The following NLRP8 variants were observed in gnomAD, a reference collection of about 807,000 sequenced individuals.
NLRP8 encodes NACHT, LRR and PYD domains-containing protein 8.
Under a neutral mutation model 88.7 loss-of-function variants are expected in NLRP8, and 86 were observed. The ratio of observed to expected loss-of-function variants is 0.97; its 90% CI spans 0.81 to 1.16. The LOEUF (loss-of-function observed/expected upper bound fraction) is 1.16, where lower values mean the gene tolerates loss of function less well. NLRP8 is among the 50% of genes most tolerant of loss of function. The probability of loss-of-function intolerance (pLI) is 0.00; values close to 1 mark genes in which losing one functional copy is unlikely to be tolerated. For synonymous variants in NLRP8, 504 were observed against 494.6 expected, an observed-to-expected ratio of 1.02 and a Z score of -0.25; for missense variants, 1,342 against 1,286.5, an observed-to-expected ratio of 1.04 and a Z score of -0.66.
chr19:55,972,316 C>T (rs1022120729), intron 6 of NLRP8, among the ~76,000 whole-genome samples: 2 of 151,604 alleles, frequency 1.3e-5, no homozygotes, highest in African/African-American at 4.8e-5. Context: ...GGTTTTGCCA[C>T]GTTGGCCAGG....
At chr19:55,986,417 C>A (rs1980815769) in intron 9 of NLRP8, among the ~76,000 whole-genome samples, 1 of 150,878 alleles carries the variant, frequency 6.6e-6, no homozygotes, top group African/African-American at 2.4e-5. Flanking sequence ...CTGTCTCACA[C>A]ATTCTCTCTC....
intron 3 of NLRP8, among the ~76,000 whole-genome samples, chr19:55,960,897 C>CTTGTTTT (rs1979578763): frequency 1.1e-5 from 1 of 91,006 alleles, no homozygotes; most frequent in Non-Finnish European, 2.0e-5. Flanking sequence ...AACTATTTCT[C>CTTGTTTT]TTTTTTTTTT....
intron 4 of NLRP8, among the ~76,000 whole-genome samples, chr19:55,964,270 G>A (rs1979739288): frequency 6.6e-6 from 1 of 152,222 alleles, no homozygotes; most frequent in South Asian, 2.1e-4. Context: ...AGAATTTCAT[G>A]GGATTAATTC....
At chr19:55,950,655 C>T (rs1248505980) in intron 1 of NLRP8, among the ~76,000 whole-genome samples, 2 of 152,236 alleles carry the variant, frequency 1.3e-5, no homozygotes, top group African/African-American at 4.8e-5. Context: ...TTAGCTCTCA[C>T]CCCGTAAGCC....
chr19:55,964,929 G>C (rs1979773269), intron 4 of NLRP8, among the ~76,000 whole-genome samples: 2 of 152,032 alleles, frequency 1.3e-5, no homozygotes, highest in African/African-American at 4.8e-5. Context: ...TAGAAAGAAA[G>C]AGATTCAGCA....
intron 4 of NLRP8, among the ~76,000 whole-genome samples, chr19:55,963,394 A>G (rs536938123): frequency 4.6e-5 from 7 of 152,226 alleles, no homozygotes; most frequent in Admixed American, 3.3e-4. Context: ...TAGGTAAATC[A>G]CTCCAAGGCA....
chr19:55,952,676 C>T, intron 2 of NLRP8, 64 bp downstream of exon 2: 5 of 1,357,830 alleles, frequency 3.7e-6, no homozygotes, highest in Non-Finnish European at 5.3e-6. Context: ...ATGAGCTGCT[C>T]AGTTGCTAAG....
Position 55,948,076 on chromosome 19 carries a change from G to A in NLRP8, c.174G>A (p.Gln58=). ...ATGAGGAGCTACAACGGTTCAAGCA[G>A]CTCTTACTGACTGAGCTCAGTACTG... The change falls in exon 1 of 10, where the codon CAG becomes CAA. Residue 58 remains glutamine, a synonymous_variant. Coordinates refer to ENST00000291971, the MANE Select transcript of NLRP8 (RefSeq NM_176811.2). The A allele has an allele frequency of 1.2e-6, 2 of 1,614,104 alleles. No individual in the cohort carries two copies. Among genetic ancestry groups the A allele is most frequent in the Non-Finnish European group, 1.7e-6 (2 of 1,180,012 alleles).
intron 9 of NLRP8, among the ~76,000 whole-genome samples, chr19:55,987,283 T>C (rs565484575): frequency 7.9e-5 from 12 of 152,284 alleles, no homozygotes; most frequent in Non-Finnish European, 1.5e-4. Context: ...GACGGGAGAA[T>C]CGCTTTAACC....
rs943586680 is a variant in NLRP8 at position 55,988,515 on chromosome 19, A to T, written c.*602A>T. 3.3e-5 allele frequency: 5 copies of T among 149,280 alleles called. No homozygotes were observed. The highest frequency in any genetic ancestry group is 2.7e-4 in the Admixed American group (4 of 14,880). The allele number at this position is 149,280 out of a possible 1,614,324, so 9.2% of individuals were successfully genotyped here. A position where few individuals can be genotyped will look rare whatever the true frequency, so the allele number is the denominator to read the frequency against. On this transcript the variant is annotated 3_prime_UTR_variant, in exon 10 of 10. Coordinates refer to ENST00000291971, the MANE Select transcript of NLRP8 (RefSeq NM_176811.2). ...AATGCTTTGAGTCACCTAAGACAGGATATAGACAAAGTCTTCATCGTCTTC... is the reference window on the plus strand; with the variant it reads ...AATGCTTTGAGTCACCTAAGACAGGTTATAGACAAAGTCTTCATCGTCTTC...
chr19:55,962,618 G>A (rs1979665073), intron 4 of NLRP8, among the ~76,000 whole-genome samples: 1 of 152,130 alleles, frequency 6.6e-6, no homozygotes, highest in Non-Finnish European at 1.5e-5. Flanking sequence ...GCCCGGTGCT[G>A]TGGCTCACGC....
chr19:55,959,372 T>C (rs1186594683), intron 3 of NLRP8, among the ~76,000 whole-genome samples: 1 of 150,230 alleles, frequency 6.7e-6, no homozygotes, highest in East Asian at 2.0e-4. Context: ...CCACCACGCC[T>C]GGCTAATTTT....
intron 3 of NLRP8, among the ~76,000 whole-genome samples, chr19:55,960,740 A>G (rs1979570459): frequency 6.6e-6 from 1 of 152,122 alleles, no homozygotes. Flanking sequence ...AAATTACGCT[A>G]GTGTAAATAT....
chr19:55,952,854 A>G (rs551756199), intron 2 of NLRP8, among the ~76,000 whole-genome samples: 3 of 152,016 alleles, frequency 2.0e-5, no homozygotes, highest in Admixed American at 2.0e-4. Context: ...TGAACCCGGG[A>G]GGCGGAGGGT....
intron 4 of NLRP8, among the ~76,000 whole-genome samples, chr19:55,963,777 A>T (rs1979717325): frequency 6.6e-6 from 1 of 151,972 alleles, no homozygotes; most frequent in Non-Finnish European, 1.5e-5. Context: ...CTGGCTTTGA[A>T]CTGCTGATCT....
Position 55,955,774 on chromosome 19 carries a change from A to G in NLRP8, c.1716A>G (p.Glu572=). 1 of 1,614,192 alleles carries G rather than the reference A, an allele frequency of 6.2e-7. No homozygotes were observed. Among genetic ancestry groups the G allele is most frequent in the Non-Finnish European group, 8.5e-7 (1 of 1,180,030 alleles). ...ACGAGGCCTGCGCTTCGGCCGTGGA[A>G]CAGTCATTCCAATGCAAGGTGTCTT... The change falls in exon 3 of 10, where the codon GAA becomes GAG. Residue 572 remains glutamate, a synonymous_variant. Transcript: ENST00000291971.
intron 9 of NLRP8, among the ~76,000 whole-genome samples, chr19:55,983,256 G>C (rs1394452864): frequency 6.6e-6 from 1 of 151,980 alleles, no homozygotes; most frequent in Non-Finnish European, 1.5e-5. Context: ...CTGAGGTCAG[G>C]AGTTCGAGAC....
At chr19:55,974,536 C>T (rs1980220892) in intron 7 of NLRP8, among the ~76,000 whole-genome samples, 1 of 151,884 alleles carries the variant, frequency 6.6e-6, no homozygotes, top group South Asian at 2.1e-4. Context: ...ATCACGAGGT[C>T]AGGAGATCGA....
In NLRP8 at chr19:55,988,015, C is replaced by T. The variant is rs1015574408; in HGVS notation, c.*102C>T. On this transcript the variant is annotated 3_prime_UTR_variant, in exon 10 of 10. Transcript: ENST00000291971. The stretch of plus-strand genomic sequence containing the variant: ...TCCTGTATGCATTAACGTACTTTCC[C>T]CTGAAACAGAGCAACCCAGTCAACA... The T allele has an allele frequency of 6.8e-6, 6 of 883,114 alleles. No homozygotes were observed. Among genetic ancestry groups the T allele is most frequent in the East Asian group, 2.6e-5 (1 of 38,692 alleles). The allele number at this position is 883,114 out of a possible 1,614,324, so 54.7% of individuals were successfully genotyped here.
Sources: gnomAD v4.1 joint callset for allele counts (sites outside exome capture counted in the v4.1 genomes callset) on GRCh38, gnomAD v4.1.1 for gene constraint, MANE v1.5 for transcripts, NCBI Gene and HGNC (gene_info 2026-07-23, HGNC 2026-07-21) for gene names.